The following TTBK2 variants were observed in gnomAD, a reference collection of about 807,000 sequenced individuals.
TTBK2 encodes the protein tau-tubulin kinase 2.
In TTBK2, 28 loss-of-function variants were observed where a neutral mutation model predicts 110.8. That is an observed-to-expected ratio of 0.25 (90% CI 0.19 to 0.35). The LOEUF is 0.35. Ranked by LOEUF, TTBK2 falls within the 10% of genes least tolerant of loss-of-function variation. The probability of loss-of-function intolerance (pLI) is 1.00; values close to 1 mark genes in which losing one functional copy is unlikely to be tolerated. For synonymous variants in TTBK2, 532 were observed against 527.3 expected (o/e 1.01, Z -0.12); for missense variants, 1,369 against 1,500.3 (o/e 0.91, Z 1.45).
chr15:42,790,476 G>A (rs1477460163), intron 10 of TTBK2, among the ~76,000 whole-genome samples: 1 of 151,424 alleles, frequency 6.6e-6, no homozygotes, highest in Admixed American at 6.6e-5. Flanking sequence ...GTAGAGACAG[G>A]GTTTCACCAT....
intron 14 of TTBK2, among the ~76,000 whole-genome samples, chr15:42,748,274 T>C (rs2061821931): frequency 6.6e-6 from 1 of 151,966 alleles, no homozygotes; most frequent in South Asian, 2.1e-4. Flanking sequence ...CTGGCCAACA[T>C]GGCGAAACCC....
chr15:42,786,133 G>GA (rs11299124), intron 10 of TTBK2, among the ~76,000 whole-genome samples: 24 of 150,276 alleles, frequency 1.6e-4, no homozygotes, highest in Admixed American at 6.0e-4. Flanking sequence ...AAAAAAGAAA[G>GA]AAAAAAAAAA....
intron 1 of TTBK2, among the ~76,000 whole-genome samples, chr15:42,910,863 G>A (rs2030710192): frequency 6.6e-6 from 1 of 151,986 alleles, no homozygotes. Flanking sequence ...GGCCAACATG[G>A]TGAAACCCTG....
Position 42,746,135 on chromosome 15 carries a change from C to A in TTBK2, c.3395G>T (p.Gly1132Val), listed in dbSNP as rs1377152629. Reference protein sequence around the residue: ...PRSTTQCKSPGSPHNPKTPPK... With the variant: ...PRSTTQCKSPVSPHNPKTPPK... ...TGGTGTTTTTGGATTGTGAGGAGAT[C>A]CTGGACTCTTGCACTGAGTAGTGCT... Residue 1132 changes from glycine (G) to valine (V), a missense_variant, in exon 15 of 15, where the codon GGA becomes GTA. Physicochemically the swap from Gly to Val is moderately radical, Grantham distance 109 (BLOSUM62 -3). Coordinates refer to ENST00000267890, the MANE Select transcript of TTBK2 (RefSeq NM_173500.4). 1 of 1,614,064 alleles carries A rather than the reference C, an allele frequency of 6.2e-7. No homozygotes were observed. The highest frequency in any genetic ancestry group is 2.2e-5 in the East Asian group (1 of 44,886).
At chr15:42,818,412 A>T (rs1317463769) in intron 6 of TTBK2, among the ~76,000 whole-genome samples, 1 of 152,220 alleles carries the variant, frequency 6.6e-6, no homozygotes, top group African/African-American at 2.4e-5. Flanking sequence ...GGCATTAACT[A>T]AGGTCTTTCA....
intron 10 of TTBK2, among the ~76,000 whole-genome samples, chr15:42,793,450 A>T (rs1567026653): frequency 6.6e-6 from 1 of 152,130 alleles, no homozygotes; most frequent in Non-Finnish European, 1.5e-5. Context: ...CTGAGGTAGG[A>T]GGATTGCTTC....
intron 9 of TTBK2, chr15:42,798,191 CT>C (rs1340462465): frequency 1.5e-5 from 7 of 455,820 alleles, no homozygotes; most frequent in African/African-American, 1.4e-4. Flanking sequence ...GCCTCTCATT[CT>C]TTTTTATATC....
intron 9 of TTBK2, chr15:42,802,141 TCC>T: frequency 7.0e-7 from 1 of 1,423,148 alleles, no homozygotes; most frequent in Non-Finnish European, 9.8e-7. Flanking sequence ...CTGCTTCTCC[TCC>T]TGGGTGCGCA....
chr15:42,794,520 G>C, intron 10 of TTBK2, 124 bp downstream of exon 10: 1 of 1,329,070 alleles, frequency 7.5e-7, no homozygotes, highest in Non-Finnish European at 1.1e-6. Context: ...TTAATTCGAG[G>C]AGATCCACAG....
intron 14 of TTBK2, among the ~76,000 whole-genome samples, chr15:42,746,459 T>C (rs2061796437): frequency 6.6e-6 from 1 of 152,164 alleles, no homozygotes; most frequent in Admixed American, 6.5e-5. Flanking sequence ...GAATACTGTC[T>C]ATCTCACAGG....
chr15:42,802,170 G>GTC (rs1891245850), intron 9 of TTBK2: 1 of 1,345,828 alleles, frequency 7.4e-7, no homozygotes. Flanking sequence ...GGATGTTGGG[G>GTC]TCCACCTCCA....
At chr15:42,746,629 G>A (rs1039085255) in intron 14 of TTBK2, among the ~76,000 whole-genome samples, 2 of 152,144 alleles carry the variant, frequency 1.3e-5, no homozygotes, top group Non-Finnish European at 2.9e-5. Context: ...TAGCATGTTA[G>A]CACATAAGAC....
intron 3 of TTBK2, 21 bp from the exon 4 acceptor site, chr15:42,840,454 G>A (rs1300641723): frequency 6.2e-7 from 1 of 1,600,802 alleles, no homozygotes; most frequent in Non-Finnish European, 8.6e-7. Context: ...AAAGAAAACA[G>A]TGGAAAAGAA....
intron 9 of TTBK2, among the ~76,000 whole-genome samples, chr15:42,802,589 A>C (rs1891271106): frequency 6.6e-6 from 1 of 152,224 alleles, no homozygotes; most frequent in African/African-American, 2.4e-5. Flanking sequence ...ATAAAATAAA[A>C]TAAAGAGAAT....
At chr15:42,872,290 T>C (rs575474849) in intron 3 of TTBK2, among the ~76,000 whole-genome samples, 86 of 152,314 alleles carry the variant, frequency 5.6e-4, no homozygotes, top group African/African-American at 2.0e-3. Context: ...TATCTGTTAT[T>C]GGTAGTTTAA....
At chr15:42,906,637 A>C (rs1352289008) in intron 1 of TTBK2, among the ~76,000 whole-genome samples, 1 of 152,178 alleles carries the variant, frequency 6.6e-6, no homozygotes, top group Non-Finnish European at 1.5e-5. Flanking sequence ...TTCTTGTGTA[A>C]AATCTCAAAA....
chr15:42,875,336 G>A (rs117193101), intron 2 of TTBK2, among the ~76,000 whole-genome samples: 1 of 152,124 alleles, frequency 6.6e-6, no homozygotes, highest in Non-Finnish European at 1.5e-5. Context: ...ATTACAAGAA[G>A]AATAGAGGTA....
intron 6 of TTBK2, among the ~76,000 whole-genome samples, chr15:42,823,871 T>C (rs1362781371): frequency 6.6e-6 from 1 of 152,074 alleles, no homozygotes; most frequent in Non-Finnish European, 1.5e-5. Flanking sequence ...TACCTGAGGC[T>C]GAAAATTTAT....
chr15:42,761,965 C>T (rs532625115), intron 13 of TTBK2, among the ~76,000 whole-genome samples: 8 of 152,212 alleles, frequency 5.3e-5, no homozygotes, highest in African/African-American at 1.4e-4. Context: ...ATGCTGTTCT[C>T]GTGATAGTGA....
Sources: gnomAD v4.1 joint callset for allele counts (sites outside exome capture counted in the v4.1 genomes callset) on GRCh38, gnomAD v4.1.1 for gene constraint, MANE v1.5 for transcripts, NCBI Gene and HGNC (gene_info 2026-07-23, HGNC 2026-07-21) for gene names.